WDR27: variants seen among roughly 807,000 people sequenced by gnomAD.
The protein encoded by WDR27 is WD repeat-containing protein 27.
A neutral mutation model predicts 114.4 loss-of-function variants in WDR27; 100 were observed. That is an observed-to-expected ratio of 0.87 (90% confidence interval 0.74 to 1.03). The LOEUF (loss-of-function observed/expected upper bound fraction) is 1.03. WDR27 is among the 50% of genes least tolerant of loss of function. The pLI is 0.00. For synonymous variants in WDR27, 449 were observed against 423.1 expected (o/e 1.06, Z -0.75); for missense variants, 1,129 against 1,092.9 (o/e 1.03, Z -0.47).
chr6:169,500,944 GC>G (rs936637352), intron 25 of WDR27, among the ~76,000 whole-genome samples: 1 of 152,184 alleles, frequency 6.6e-6, no homozygotes, highest in African/African-American at 2.4e-5. Context: ...CACCAGAAAT[GC>G]CCCGTTGTCC....
chr6:169,659,180 C>G lies in WDR27; in HGVS notation c.1225G>C (p.Gly409Arg). The G allele has an allele frequency of 6.2e-7, 1 of 1,610,344 alleles. No homozygotes were observed. Among genetic ancestry groups the G allele is most frequent in the Non-Finnish European group, 8.5e-7 (1 of 1,178,282 alleles). Reference protein sequence around the residue: ...KVLCLLASLFGGKIAVLEINP... With the variant: ...KVLCLLASLFRGKIAVLEINP... ...ATCTCCAACACGGCAATCTTCCCGC[C>G]AAAGAGGGAGGCCAGCAAGCACAGC... The change falls in exon 12 of 26, where the codon GGC becomes CGC. Residue 409 changes from glycine (G) to arginine (R), a missense_variant. Coordinates refer to ENST00000448612, the MANE Select transcript of WDR27 (RefSeq NM_182552.5). This position sits in a 1 kb window ranked among gnomAD's most constrained non-coding sequence, Gnocchi z 4.3.
rs551964287 is a variant in WDR27 at position 169,602,830 on chromosome 6, CT to C, written c.2322-510del. 9.6e-3 allele frequency among the ~76,000 whole-genome samples: 1,393 copies of C among 145,646 alleles called. 17 individuals are homozygous for C. Among genetic ancestry groups the C allele is most frequent in the African/African-American group, 0.03 (1,181 of 39,616 alleles). ...TAGTATAAATTCTACAAAGATAATTCTTTTTTTTTTTTCTTTTTTTTTTTTG... is the reference window on the plus strand; with the variant it reads ...TAGTATAAATTCTACAAAGATAATTCTTTTTTTTTTTCTTTTTTTTTTTTG... On this transcript the variant is annotated intron_variant, in intron 22 of 25. Transcript: ENST00000448612.
At position 169,659,820 on chromosome 6, in the gene WDR27, T is replaced by C. The variant is rs1231159357; in HGVS notation, c.1130-302A>G. Among the ~76,000 whole-genome samples, 1 of 151,998 alleles carries C rather than the reference T, an allele frequency of 6.6e-6. No individual in the cohort carries two copies. The highest frequency in any genetic ancestry group is 1.5e-5 in the Non-Finnish European group (1 of 68,004). ...AGCTCAGCCTCCTGGAGAAGCCACATGTCCAGCACCAGATCAGAAAGGAAA... is the reference window on the plus strand; with the variant it reads ...AGCTCAGCCTCCTGGAGAAGCCACACGTCCAGCACCAGATCAGAAAGGAAA... On this transcript the variant is annotated intron_variant, in intron 10 of 25. Transcript: ENST00000448612. This position sits in a 1 kb window ranked among gnomAD's most constrained non-coding sequence, Gnocchi z 4.3.
At chr6:169,504,895 G>A (rs2115501997) in intron 25 of WDR27, among the ~76,000 whole-genome samples, 1 of 152,202 alleles carries the variant, frequency 6.6e-6, no homozygotes, top group South Asian at 2.1e-4. Flanking sequence ...TACTACACCT[G>A]GCCTGTTACC....
chr6:169,432,449 T>A, the WDR27 span, among the ~76,000 whole-genome samples: 1 of 152,228 alleles, frequency 6.6e-6, no homozygotes, highest in African/African-American at 2.4e-5. Context: ...TCCCATATGT[T>A]GTAGGTGGGA....
At chr6:169,649,147 A>G (rs1325565262) in intron 15 of WDR27, 51 bp downstream of exon 15, 3 of 1,471,010 alleles carry the variant, frequency 2.0e-6, no homozygotes, top group Non-Finnish European at 2.8e-6. Flanking sequence ...AAAGTGTTGG[A>G]AAGGTCTAGG....
chr6:169,497,655 T>C (rs985747776), intron 25 of WDR27, among the ~76,000 whole-genome samples: 11 of 152,034 alleles, frequency 7.2e-5, no homozygotes, highest in Non-Finnish European at 1.5e-4. Context: ...GAAAAGATGT[T>C]CAACATCACT....
chr6:169,549,848 C>T (rs1179082901), intron 25 of WDR27, among the ~76,000 whole-genome samples: 1 of 152,084 alleles, frequency 6.6e-6, no homozygotes, highest in Non-Finnish European at 1.5e-5. Context: ...GTAAAGAAAC[C>T]AGTGGTTGAC....
At chr6:169,500,590 G>C (rs1340778293) in intron 25 of WDR27, among the ~76,000 whole-genome samples, 1 of 152,168 alleles carries the variant, frequency 6.6e-6, no homozygotes, top group African/African-American at 2.4e-5. Flanking sequence ...CAGGTAGTGC[G>C]CGTGAGTGCT....
intron 13 of WDR27, among the ~76,000 whole-genome samples, chr6:169,652,906 GT>G (rs1450309714): frequency 1.3e-5 from 2 of 152,144 alleles, no homozygotes; most frequent in African/African-American, 4.8e-5. Flanking sequence ...TTGACAAAAA[GT>G]TTAAAAATTC....
chr6:169,661,988 A>G (rs1826267303), intron 9 of WDR27, among the ~76,000 whole-genome samples: 2 of 152,362 alleles, frequency 1.3e-5, no homozygotes, highest in Admixed American at 1.3e-4. Flanking sequence ...GGTAGATGGG[A>G]AAGTCTAGGC....
At chr6:169,506,991 G>T (rs1015974901) in intron 25 of WDR27, among the ~76,000 whole-genome samples, 3 of 152,172 alleles carry the variant, frequency 2.0e-5, no homozygotes, top group African/African-American at 7.2e-5. Context: ...ATAAGGATTA[G>T]AATTTAATCC....
In WDR27 at chr6:169,656,403, G is replaced by C. The variant is rs142061039; in HGVS notation, c.1402+1873C>G. On this transcript the variant is annotated intron_variant, in intron 13 of 25. Transcript: ENST00000448612. ...TTGGTTTGGAGGTTGGGTTTCCCTG[G>C]GGACCTGCCTGTGTCCACCTGGAGG... 1.3e-3 allele frequency among the ~76,000 whole-genome samples: 203 copies of C among 152,268 alleles called. 1 individual carries two copies. Among genetic ancestry groups the C allele is most frequent in the African/African-American group, 4.7e-3 (195 of 41,550 alleles).
intron 8 of WDR27, among the ~76,000 whole-genome samples, chr6:169,663,094 T>G (rs1257438374): frequency 6.6e-6 from 1 of 152,166 alleles, no homozygotes; most frequent in South Asian, 2.1e-4. Context: ...AGGAAAGCAC[T>G]AAGGTAACAC....
intron 23 of WDR27, among the ~76,000 whole-genome samples, chr6:169,598,705 C>T (rs970259854): frequency 1.8e-4 from 28 of 152,324 alleles, no homozygotes; most frequent in Non-Finnish European, 3.2e-4. Context: ...CAAGGAACCC[C>T]AGGGACTGTA....
intron 2 of WDR27, among the ~76,000 whole-genome samples, chr6:169,678,842 G>C (rs769385864): frequency 6.6e-6 from 1 of 152,180 alleles, no homozygotes; most frequent in Non-Finnish European, 1.5e-5. Context: ...ACATTCTATA[G>C]AGAAACCCCT....
chr6:169,609,514 G>A (rs1810027491), intron 22 of WDR27, among the ~76,000 whole-genome samples: 2 of 152,166 alleles, frequency 1.3e-5, no homozygotes, highest in South Asian at 4.1e-4. Context: ...TGAAGCCATG[G>A]CATGAGCTCT....
chr6:169,465,058 A>C lies in WDR27; in HGVS notation c.2646-7424T>G, dbSNP rs1298697198. On this transcript the variant is annotated intron_variant, in intron 25 of 25. Coordinates refer to ENST00000448612, the MANE Select transcript of WDR27 (RefSeq NM_182552.5). ...CAGATCACCTGAGGTCAGGAGTTCA[A>C]GAGCAGCCTGACCAACATGGTGAAA... 2.0e-5 allele frequency among the ~76,000 whole-genome samples: 3 copies of C among 152,084 alleles called. No individual in the cohort carries two copies. The East Asian group carries it at 5.8e-4, about 30-fold the overall frequency.
Position 169,659,464 on chromosome 6 carries a change from G to A in WDR27, c.1184C>T (p.Thr395Ile), listed in dbSNP as rs1562847816. 1 of 1,609,356 alleles carries A rather than the reference G, an allele frequency of 6.2e-7. No individual in the cohort carries two copies. The highest frequency in any genetic ancestry group is 1.1e-5 in the South Asian group (1 of 90,044). The change falls in exon 11 of 26, where the codon ACT (threonine) becomes ATT (isoleucine). Residue 395 changes from threonine (T) to isoleucine (I), a missense_variant. Coordinates refer to ENST00000448612, the MANE Select transcript of WDR27 (RefSeq NM_182552.5). The surrounding 1 kb of genome is among the most constrained non-coding windows in gnomAD (Gnocchi z 4.3). Reference sequence around the variant, plus strand: ...CTCAGGACTGACCTTTTGATCCGCAGTGCGGTTCCTCAGGGCACACGATCC... The same window carrying A: ...CTCAGGACTGACCTTTTGATCCGCAATGCGGTTCCTCAGGGCACACGATCC... ...LAGSCALRNR[T>I]ADQKVLCLLA...
Sources: gnomAD v4.1 joint callset for allele counts (sites outside exome capture counted in the v4.1 genomes callset) on GRCh38, gnomAD v4.1.1 for gene constraint, Gnocchi (gnomAD v3.1) non-coding constraint, MANE v1.5 for transcripts, NCBI Gene and HGNC (gene_info 2026-07-23, HGNC 2026-07-21) for gene names.